B4GALT4: variants seen among roughly 807,000 people sequenced by gnomAD.
B4GALT4 encodes the protein beta-1,4-galactosyltransferase 4.
B4GALT4 carries 27 observed loss-of-function variants against 37.3 expected under a neutral mutation model. The ratio of observed to expected loss-of-function variants is 0.72; its 90% confidence interval spans 0.53 to 1.00. The LOEUF (loss-of-function observed/expected upper bound fraction) is 1.00. Ranked by LOEUF, B4GALT4 falls within the 50% of genes least tolerant of loss-of-function variation. The pLI is 0.00. For missense variants in B4GALT4, 372 were observed against 413.1 expected (o/e 0.90, Z 0.86); for synonymous variants, 148 against 154.1 (o/e 0.96, Z 0.29).
chr3:119,228,939 GAGGACA>G, intron 3 of B4GALT4, among the ~76,000 whole-genome samples: 1 of 135,746 alleles, frequency 7.4e-6, no homozygotes, highest in East Asian at 2.2e-4. Flanking sequence ...AAAGGCATGT[GAGGACA>G]ATATCCAGTA....
At chr3:119,229,396 A>G (rs1205314026) in intron 3 of B4GALT4, among the ~76,000 whole-genome samples, 1 of 152,276 alleles carries the variant, frequency 6.6e-6, no homozygotes, top group Non-Finnish European at 1.5e-5. Flanking sequence ...AAAATGGACA[A>G]ACCATAGCTG....
Position 119,220,788 on chromosome 3 carries a change from C to A in B4GALT4, c.675-2016G>T, listed in dbSNP as rs1044052166. 2.6e-5 allele frequency among the ~76,000 whole-genome samples: 4 copies of A among 152,140 alleles called. No homozygotes were observed. In the South Asian group the frequency reaches 8.3e-4, roughly 32 times the overall value. On this transcript the variant is annotated intron_variant, in intron 5 of 7. Coordinates refer to ENST00000393765, the MANE Select transcript of B4GALT4 (RefSeq NM_003778.4). ...GATCAAGAGGTCAGGAGATCGAGAC[C>A]ACCCTGGCTAACACTGCGAAACCCC...
chr3:119,212,761 GC>G (rs2078194483), intron 7 of B4GALT4, 80 bp from the exon 8 acceptor site: 1 of 1,324,736 alleles, frequency 7.5e-7, no homozygotes, highest in South Asian at 1.6e-5. Context: ...CTGAAATGTG[GC>G]AAACATATTT....
chr3:119,229,897 G>A lies in B4GALT4; in HGVS notation c.203C>T (p.Ser68Phe). 1 of 1,614,140 alleles carries A rather than the reference G, an allele frequency of 6.2e-7. No individual in the cohort carries two copies. Among genetic ancestry groups the A allele is most frequent in the Non-Finnish European group, 8.5e-7 (1 of 1,180,020 alleles). Residue 68 changes from serine (S) to phenylalanine (F), a missense_variant, in exon 3 of 8, where the codon TCC (serine) becomes TTC (phenylalanine). By Grantham distance (155) the Ser-to-Phe change is radical. Coordinates refer to ENST00000393765, the MANE Select transcript of B4GALT4 (RefSeq NM_003778.4). The stretch of plus-strand genomic sequence containing the variant: ...GTTGTCAAGTTCTACCTTCTTCGTG[G>A]ATGCTTCATTAGTCAGAGTTTTTCC... ...GKGKTLTNEA[S>F]TKKVELDNCP...
At chr3:119,230,778 C>T (rs1342140502) in intron 2 of B4GALT4, among the ~76,000 whole-genome samples, 1 of 152,184 alleles carries the variant, frequency 6.6e-6, no homozygotes, top group African/African-American at 2.4e-5. Context: ...TGGCACAGGG[C>T]ACATTGCAAT....
At chr3:119,231,812 ATTTTATATTTT>A (rs2078832052) in intron 2 of B4GALT4, among the ~76,000 whole-genome samples, 2 of 146,132 alleles carry the variant, frequency 1.4e-5, no homozygotes, top group Admixed American at 6.8e-5. Context: ...AAAATAATAT[ATTTTATATTTT>A]AATATATTTT....
chr3:119,217,643 T>C lies in B4GALT4; in HGVS notation c.797+1007A>G, dbSNP rs554251936. Among the ~76,000 whole-genome samples the C allele has an allele frequency of 2.0e-5, 3 of 152,000 alleles. No homozygotes were observed. In the East Asian group the frequency reaches 5.8e-4, roughly 29 times the overall value. On this transcript the variant is annotated intron_variant, in intron 6 of 7. Transcript: ENST00000393765. ...ATCACCTGAGGTCAGGAGTTCGAGA[T>C]CAGCCTGGCCAATATGGTGAAACCT...
At chr3:119,213,437 T>C (rs1377244085) in intron 7 of B4GALT4, 7 of 152,236 alleles carry the variant, frequency 4.6e-5, no homozygotes, top group Non-Finnish European at 8.8e-5. Context: ...ATGCATAATG[T>C]TCAGCTAAAT....
At chr3:119,218,817 A>G (rs1247897493) in intron 5 of B4GALT4, 45 bp from the exon 6 acceptor site, 1 of 1,607,700 alleles carries the variant, frequency 6.2e-7, no homozygotes, top group Admixed American at 1.7e-5. Flanking sequence ...ATTCGCACCA[A>G]AGGTCTCTGA....
intron 5 of B4GALT4, among the ~76,000 whole-genome samples, chr3:119,219,245 A>G (rs569673108): frequency 6.6e-6 from 1 of 152,236 alleles, no homozygotes; most frequent in East Asian, 1.9e-4. Context: ...GGCAGGAGAC[A>G]GCTCCCGCAC....
At position 119,211,780 on chromosome 3, in the gene B4GALT4, TA is replaced by T. The variant is rs2078168529; in HGVS notation, c.*768del. ...TTACTACAGAGGTATTTGATAGACA[TA>T]TTTATTATTAGTTAATATGTAAACT... On this transcript the variant is annotated 3_prime_UTR_variant, in exon 8 of 8. Coordinates refer to ENST00000393765, the MANE Select transcript of B4GALT4 (RefSeq NM_003778.4). 5.1e-6 allele frequency: 1 copy of T among 196,096 alleles called. No individual in the cohort carries two copies. Among genetic ancestry groups the T allele is most frequent in the African/African-American group, 2.3e-5 (1 of 43,282 alleles). The allele number at this position is 196,096 out of a possible 1,614,324, so 12.1% of individuals were successfully genotyped here.
At chr3:119,238,907 C>A (rs546237891) in intron 1 of B4GALT4, among the ~76,000 whole-genome samples, 3 of 152,316 alleles carry the variant, frequency 2.0e-5, no homozygotes, top group East Asian at 3.9e-4. Flanking sequence ...AAGCCCCAAT[C>A]TCAAAGAAAA....
intron 6 of B4GALT4, among the ~76,000 whole-genome samples, chr3:119,217,272 C>T (rs953899493): frequency 2.0e-5 from 3 of 151,796 alleles, no homozygotes; most frequent in Admixed American, 6.6e-5. Context: ...CTACTCTTGT[C>T]CTGAAATGTA....
Position 119,218,762 on chromosome 3 carries a change from T to C in B4GALT4, c.685A>G (p.Ser229Gly). The C allele has an allele frequency of 1.2e-6, 2 of 1,614,068 alleles. No individual in the cohort carries two copies. Among genetic ancestry groups the C allele is most frequent in the Admixed American group, 1.7e-5 (1 of 60,012 alleles). ...GCAGTAACACCCCCAAAATATCCAC[T>C]GTAACGTAACCTGGAGCAAAAGAGA... The part of the protein sequence containing the change: ...RNSTGYRLRY[S>G]GYFGGVTALS... The change falls in exon 6 of 8, where the codon AGT (serine) becomes GGT (glycine). Residue 229 changes from serine to glycine, a missense_variant. Physicochemically the swap from Ser to Gly is moderately conservative, Grantham distance 56. Coordinates refer to ENST00000393765, the MANE Select transcript of B4GALT4 (RefSeq NM_003778.4).
At chr3:119,231,817 ATATTT>A (rs1337989009) in intron 2 of B4GALT4, among the ~76,000 whole-genome samples, 1 of 146,370 alleles carries the variant, frequency 6.8e-6, no homozygotes, top group African/African-American at 2.5e-5. Flanking sequence ...AATATATTTT[ATATTT>A]TAATATATTT....
intron 5 of B4GALT4, among the ~76,000 whole-genome samples, chr3:119,223,696 T>C (rs2078515265): frequency 1.6e-5 from 2 of 128,250 alleles, no homozygotes; most frequent in African/African-American, 2.6e-5. Flanking sequence ...ACCAGCCTGT[T>C]GCCTCCTAGA....
intron 2 of B4GALT4, among the ~76,000 whole-genome samples, chr3:119,235,596 C>A (rs62265181): frequency 0.27 from 40,453 of 152,064 alleles, 5,594 homozygotes; most frequent in Non-Finnish European, 0.28. Context: ...ACCTTTTACA[C>A]ACACATTGCC....
chr3:119,234,945 C>G (rs1235043059), intron 2 of B4GALT4: 2 of 152,140 alleles, frequency 1.3e-5, no homozygotes, highest in Admixed American at 1.3e-4. Flanking sequence ...TTTCTGACTA[C>G]CTGCTATTTT....
chr3:119,230,215 G>A lies in B4GALT4; in HGVS notation c.-116C>T. 7.4e-7 allele frequency: 1 copy of A among 1,348,534 alleles called. No homozygotes were observed. Among genetic ancestry groups the A allele is most frequent in the Non-Finnish European group, 1.0e-6 (1 of 980,736 alleles). 83.5% of individuals were successfully genotyped at this position (1,348,534 alleles called of 1,614,324 possible). On this transcript the variant is annotated 5_prime_UTR_variant, in exon 3 of 8. Coordinates refer to ENST00000393765, the MANE Select transcript of B4GALT4 (RefSeq NM_003778.4). Reference sequence around the variant, plus strand: ...GATGACAACTGAAGATACAATGCCTGGTTTTTCTCAGTAGTTCTGCTCCAA... The same window carrying A: ...GATGACAACTGAAGATACAATGCCTAGTTTTTCTCAGTAGTTCTGCTCCAA...
Sources: gnomAD v4.1 joint callset for allele counts (sites outside exome capture counted in the v4.1 genomes callset) on GRCh38, gnomAD v4.1.1 for gene constraint, MANE v1.5 for transcripts, NCBI Gene and HGNC (gene_info 2026-07-23, HGNC 2026-07-21) for gene names.